CENPF: variants seen among roughly 807,000 people sequenced by gnomAD.
The protein encoded by CENPF is AH antigen.
A neutral mutation model predicts 307.3 loss-of-function variants in CENPF; 214 were observed. The observed-to-expected ratio is 0.70, with a 90% confidence interval of 0.62 to 0.78. The LOEUF is 0.78. Ranked by LOEUF, CENPF falls within the 30% of genes least tolerant of loss-of-function variation. The probability of loss-of-function intolerance (pLI) is 0.00; values close to 1 mark genes in which losing one functional copy is unlikely to be tolerated. For missense variants in CENPF, 3,401 were observed against 3,483.9 expected (o/e 0.98, Z 0.60); for synonymous variants, 1,259 against 1,270.6 (o/e 0.99, Z 0.19).
At chr1:214,624,434 C>G (rs554898510) in intron 7 of CENPF, among the ~76,000 whole-genome samples, 1 of 152,082 alleles carries the variant, frequency 6.6e-6, no homozygotes, top group East Asian at 1.9e-4. Flanking sequence ...TTTAAAATTA[C>G]AAATTCAATT....
chr1:214,606,872 CG>C (rs1353032969), intron 1 of CENPF, among the ~76,000 whole-genome samples: 1 of 152,236 alleles, frequency 6.6e-6, no homozygotes, highest in Non-Finnish European at 1.5e-5. Flanking sequence ...CTGCCCATGC[CG>C]GGACCCCACA....
rs569255952 is a variant in CENPF, at chr1:214,629,381, A to G, written c.1194+210A>G. ...TTTCAGTTTTTGATTAGAGAAGGGAATTAGTATTCAGAATTCATCCATGTT... is the reference window on the plus strand; with the variant it reads ...TTTCAGTTTTTGATTAGAGAAGGGAGTTAGTATTCAGAATTCATCCATGTT... On this transcript the variant is annotated intron_variant, in intron 8 of 19. Coordinates refer to ENST00000366955, the MANE Select transcript of CENPF (RefSeq NM_016343.4). 2.6e-5 allele frequency among the ~76,000 whole-genome samples: 4 copies of G among 152,258 alleles called. No homozygotes were observed. In the East Asian group the frequency reaches 7.7e-4, roughly 29 times the overall value.
At chr1:214,632,174 A>G (rs1262671364) in intron 9 of CENPF, among the ~76,000 whole-genome samples, 1 of 151,974 alleles carries the variant, frequency 6.6e-6, no homozygotes, top group Non-Finnish European at 1.5e-5. Context: ...TCTTATCTCA[A>G]CTTATTTTCC....
At chr1:214,658,127 T>C (rs1658691552) in intron 18 of CENPF, among the ~76,000 whole-genome samples, 1 of 152,206 alleles carries the variant, frequency 6.6e-6, no homozygotes, top group Non-Finnish European at 1.5e-5. Flanking sequence ...TCTGAGTAAC[T>C]CTAGCCCAAA....
At position 214,608,366 on chromosome 1, in the gene CENPF, C is replaced by T. The variant is rs1657097387; in HGVS notation, c.-42+5045C>T. 17 of 1,612,322 alleles carry T rather than the reference C, an allele frequency of 1.1e-5. No homozygotes were observed. In the East Asian group the frequency reaches 2.2e-4, roughly 21 times the overall value. ...TCGATGTCGGCATAGAGGTTCCTCT[C>T]GGAAGGCCTACCCGAGCTGGCACCG... is the stretch of plus-strand genomic sequence containing the variant. On this transcript the variant is annotated intron_variant, in intron 1 of 19. Transcript: ENST00000366955.
chr1:214,616,141 T>C (rs1657330591), intron 3 of CENPF, among the ~76,000 whole-genome samples: 2 of 152,188 alleles, frequency 1.3e-5, no homozygotes, highest in African/African-American at 4.8e-5. Flanking sequence ...TAGTAGAAGA[T>C]GCTTTTAGCT....
At chr1:214,621,168 G>A (rs140577329) in intron 6 of CENPF, among the ~76,000 whole-genome samples, 1 of 152,330 alleles carries the variant, frequency 6.6e-6, no homozygotes, top group African/African-American at 2.4e-5. Context: ...CTGGTGCCTG[G>A]AAGCCTCTAA....
rs1271508945 is a variant in CENPF at position 214,641,939 on chromosome 1, A to G, written c.3601A>G (p.Ile1201Val). Residue 1201 changes from isoleucine (I) to valine (V), a missense_variant, in exon 12 of 20, where the codon ATT becomes GTT. Ile to Val is a conservative substitution (Grantham distance 29, BLOSUM62 3). Transcript: ENST00000366955. ...KPQMDLEVKEISLDSYNAQLV... is the reference protein window; with the variant it reads ...KPQMDLEVKEVSLDSYNAQLV... ...TCAGATGGATCTTGAAGTTAAAGAAATTTCTCTAGATAGTTATAATGCGCA... is the reference window on the plus strand; with the variant it reads ...TCAGATGGATCTTGAAGTTAAAGAAGTTTCTCTAGATAGTTATAATGCGCA... The G allele has an allele frequency of 6.3e-6, 10 of 1,587,730 alleles. No homozygotes were observed. The highest frequency in any genetic ancestry group is 8.5e-6 in the Non-Finnish European group (10 of 1,172,056).
rs1318523817 is a variant in CENPF at position 214,640,478 on chromosome 1, C to A, written c.2140C>A (p.His714Asn). ...QQKAEFSDQKHQKEIENMCLK... is the reference protein window; with the variant it reads ...QQKAEFSDQKNQKEIENMCLK... Reference sequence around the variant, plus strand: ...GAAAGCTGAGTTCTCAGATCAGAAACATCAGAAGGAAATAGAAAATATGTG... The same window carrying A: ...GAAAGCTGAGTTCTCAGATCAGAAAAATCAGAAGGAAATAGAAAATATGTG... The change falls in exon 12 of 20, where the codon CAT becomes AAT. Residue 714 changes from histidine (H) to asparagine (N), a missense_variant. Physicochemically the swap from His to Asn is moderately conservative, Grantham distance 68 (BLOSUM62 1). Coordinates refer to ENST00000366955, the MANE Select transcript of CENPF (RefSeq NM_016343.4). The A allele has an allele frequency of 1.9e-6, 3 of 1,614,056 alleles. No individual in the cohort carries two copies. Among genetic ancestry groups the A allele is most frequent in the Non-Finnish European group, 2.5e-6 (3 of 1,179,976 alleles).
chr1:214,613,255 T>C (rs527272134), intron 1 of CENPF: 17 of 250,314 alleles, frequency 6.8e-5, no homozygotes, highest in Non-Finnish European at 1.3e-4. Flanking sequence ...TTATCATCCC[T>C]GTCCATCTTG....
At chr1:214,652,444 CT>C (rs34873218) in intron 15 of CENPF, among the ~76,000 whole-genome samples, 51,047 of 120,362 alleles carry the variant, frequency 0.42, 9,369 homozygotes, top group African/African-American at 0.53. Flanking sequence ...TTTTTCTTTT[CT>C]TTTTTTTTTT....
In CENPF at chr1:214,638,000, AG is replaced by A. The variant is rs1292675802; in HGVS notation, c.1582+1del. On this transcript the variant is annotated frameshift_variant and splice_region_variant, in exon 11 of 20. Transcript: ENST00000366955. LOFTEE classifies it high-confidence loss of function. The stretch of plus-strand genomic sequence containing the variant: ...GCCAGAATTTTGCAGAAGAAATGAA[AG>A]GTAAGTAAACTTAGTATTTTAGAGT... ...QSQNFAEEMK[A>X]KNTSQETMLR... 1 of 1,608,248 alleles carries A rather than the reference AG, an allele frequency of 6.2e-7. No individual in the cohort carries two copies. Among genetic ancestry groups the A allele is most frequent in the African/African-American group, 1.3e-5 (1 of 74,590 alleles).
At position 214,622,090 on chromosome 1, in the gene CENPF, A is replaced by G. The variant is rs1361992253; in HGVS notation, c.877A>G (p.Lys293Glu). ...GTTTGTGGTTCAAGAGCTAAGAAAC[A>G]AGATTAATGAGTTGGAACTACGCCT... Reference protein sequence around the residue: ...LKAQNQELRNKINELELRLQG... With the variant: ...LKAQNQELRNEINELELRLQG... Residue 293 changes from lysine to glutamate, a missense_variant, in exon 7 of 20, where the codon AAG becomes GAG. By Grantham distance (56) the Lys-to-Glu change is moderately conservative. Transcript: ENST00000366955. The G allele has an allele frequency of 1.9e-6, 3 of 1,612,938 alleles. No individual in the cohort carries two copies. The African/African-American group carries it at 4.0e-5, about 22-fold the overall frequency.
At chr1:214,637,762 A>G (rs1365856443) in intron 10 of CENPF, 104 bp from the exon 11 acceptor site, 1 of 1,088,284 alleles carries the variant, frequency 9.2e-7, no homozygotes, top group Non-Finnish European at 1.3e-6. Flanking sequence ...TTCTTTCCCT[A>G]GTGAGATACA....
rs143816659 is a variant in CENPF at position 214,619,230 on chromosome 1, T to C, written c.573+10T>C. 9 of 1,313,406 alleles carry C rather than the reference T, an allele frequency of 6.9e-6. No homozygotes were observed. The highest frequency in any genetic ancestry group is 3.3e-6 in the Non-Finnish European group (3 of 917,230). 81.4% of individuals were successfully genotyped at this position (1,313,406 alleles called of 1,614,324 possible). ...AGCCTTGCAGGCTAAAGTAAGTTAA[T>C]TATGGGCCCTATAATAGAGTATGCA... On this transcript the variant is annotated intron_variant, in intron 5 of 19. Transcript: ENST00000366955.
chr1:214,646,379 A>G lies in CENPF; in HGVS notation c.6809A>G (p.Glu2270Gly). 1 of 1,614,130 alleles carries G rather than the reference A, an allele frequency of 6.2e-7. No individual in the cohort carries two copies. The highest frequency in any genetic ancestry group is 8.5e-7 in the Non-Finnish European group (1 of 1,180,008). ...CAGAATCAGTTAAAGGAGCTAAATG[A>G]GGCAGTAGCAGCCTTGTGTGGTGAC... Reference protein sequence around the residue: ...MLQNQLKELNEAVAALCGDQE... With the variant: ...MLQNQLKELNGAVAALCGDQE... Residue 2270 changes from glutamate (E) to glycine (G), a missense_variant, in exon 13 of 20, where the codon GAG (glutamate) becomes GGG (glycine). Physicochemically the swap from Glu to Gly is moderately conservative, Grantham distance 98. Coordinates refer to ENST00000366955, the MANE Select transcript of CENPF (RefSeq NM_016343.4).
intron 10 of CENPF, among the ~76,000 whole-genome samples, chr1:214,634,463 G>A (rs1657902564): frequency 6.6e-6 from 1 of 152,178 alleles, no homozygotes; most frequent in African/African-American, 2.4e-5. Flanking sequence ...CTACCACAAT[G>A]TGACCTTTAG....
chr1:214,650,117 A>AT (rs1418555490), intron 14 of CENPF, among the ~76,000 whole-genome samples: 1 of 152,140 alleles, frequency 6.6e-6, no homozygotes, highest in African/African-American at 2.4e-5. Flanking sequence ...CCTAATTTAG[A>AT]TAGGGTGGTC....
Position 214,653,212 on chromosome 1 carries a change from C to A in CENPF, c.8322+223C>A, listed in dbSNP as rs965947571. The A allele has an allele frequency of 2.5e-5, 12 of 479,776 alleles. No individual in the cohort carries two copies. In the East Asian group the frequency reaches 4.8e-4, roughly 19 times the overall value. 29.7% of individuals were successfully genotyped at this position (479,776 alleles called of 1,614,324 possible). A position where few individuals can be genotyped will look rare whatever the true frequency, so the allele number is the denominator to read the frequency against. ...AGCTATCCATTGCCTCATGCATCCT[C>A]TCAAACTAGAGGATGTTAAAGACTT... On this transcript the variant is annotated intron_variant, in intron 16 of 19. Coordinates refer to ENST00000366955, the MANE Select transcript of CENPF (RefSeq NM_016343.4).
Sources: gnomAD v4.1 joint callset for allele counts (sites outside exome capture counted in the v4.1 genomes callset) on GRCh38, gnomAD v4.1.1 for gene constraint, MANE v1.5 for transcripts, NCBI Gene and HGNC (gene_info 2026-07-23, HGNC 2026-07-21) for gene names.